The following WNT2 variants were observed in gnomAD, a reference collection of about 807,000 sequenced individuals.
WNT2 encodes Wnt family member 2.
Under a neutral mutation model 36.9 loss-of-function variants are expected in WNT2, and 12 were observed. That is an observed-to-expected ratio of 0.33 (90% CI 0.21 to 0.53). WNT2 has a LOEUF of 0.53. Ranked by LOEUF, WNT2 falls within the 20% of genes least tolerant of loss-of-function variation. The pLI is 0.95. For missense variants in WNT2, 379 were observed against 473.1 expected (o/e 0.80, Z 1.84); for synonymous variants, 163 against 174.6 (o/e 0.93, Z 0.52).
At chr7:117,288,506 T>G (rs955853758) in intron 4 of WNT2, among the ~76,000 whole-genome samples, 1 of 152,214 alleles carries the variant, frequency 6.6e-6, no homozygotes, top group African/African-American at 2.4e-5. Context: ...AAAGCTTAAA[T>G]GAAGTAAGCA....
intron 3 of WNT2, among the ~76,000 whole-genome samples, chr7:117,310,385 C>T (rs1436191785): frequency 6.6e-6 from 1 of 151,464 alleles, no homozygotes; most frequent in Non-Finnish European, 1.5e-5. Flanking sequence ...GGCAACATGG[C>T]GAAACCTCAT....
intron 4 of WNT2, among the ~76,000 whole-genome samples, chr7:117,289,202 C>T (rs909947335): frequency 6.6e-6 from 1 of 151,882 alleles, no homozygotes; most frequent in Non-Finnish European, 1.5e-5. Flanking sequence ...GGACTACAGG[C>T]GCCCACCACA....
chr7:117,285,855 T>C (rs1178717047), intron 4 of WNT2, among the ~76,000 whole-genome samples: 1 of 152,220 alleles, frequency 6.6e-6, no homozygotes, highest in Non-Finnish European at 1.5e-5. Context: ...TTTATATTTG[T>C]GAAGTATTCC....
At chr7:117,313,969 G>A (rs186097941) in intron 3 of WNT2, among the ~76,000 whole-genome samples, 3 of 152,050 alleles carry the variant, frequency 2.0e-5, no homozygotes, top group Admixed American at 2.0e-4. Context: ...AATGAGATTT[G>A]TTCTCTCCAG....
intron 2 of WNT2, among the ~76,000 whole-genome samples, chr7:117,315,678 G>A (rs559210819): frequency 5.9e-5 from 9 of 152,220 alleles, no homozygotes; most frequent in Non-Finnish European, 1.3e-4. Flanking sequence ...GAGAGCTCTA[G>A]ATGTCCTAGA....
At chr7:117,306,519 A>G (rs1170484176) in intron 3 of WNT2, among the ~76,000 whole-genome samples, 6 of 152,242 alleles carry the variant, frequency 3.9e-5, no homozygotes, top group African/African-American at 1.4e-4. Flanking sequence ...CCCATGACAC[A>G]GTCACATCCT....
Position 117,298,411 on chromosome 7 carries a change from G to A in WNT2, c.589-535C>T, listed in dbSNP as rs139693360. On this transcript the variant is annotated intron_variant, in intron 3 of 4. Transcript: ENST00000265441. ...GCAGATGACCGAGAAGCAAGGCTGA[G>A]AGAGGTGGAAGCACTCACCCAAAGT... is the stretch of plus-strand genomic sequence containing the variant. 5.8e-3 allele frequency among the ~76,000 whole-genome samples: 882 copies of A among 152,278 alleles called. 2 individuals are homozygous for A. The highest frequency in any genetic ancestry group is 9.0e-3 in the Admixed American group (137 of 15,294).
intron 4 of WNT2, among the ~76,000 whole-genome samples, chr7:117,279,377 A>T (rs1428336565): frequency 1.3e-5 from 2 of 152,148 alleles, no homozygotes; most frequent in East Asian, 3.9e-4. Flanking sequence ...ATGTTGTATA[A>T]CATCACCCTG....
chr7:117,275,658 G>A lies in WNT2; in HGVS notation c.*2497C>T, dbSNP rs983485248. Among the ~76,000 whole-genome samples the A allele has an allele frequency of 1.3e-5, 2 of 152,148 alleles. No homozygotes were observed. The highest frequency in any genetic ancestry group is 6.5e-5 in the Admixed American group (1 of 15,276). On this transcript the variant is annotated 3_prime_UTR_variant, in exon 5 of 5. Transcript: ENST00000265441. ...AGTTTCAGTGTATTTCAGGTTCCTG[G>A]AATACTGATCCTCTACCAAGCTCTA...
At position 117,276,953 on chromosome 7, in the gene WNT2, T is replaced by A. The variant is rs186499136; in HGVS notation, c.*1202A>T. 6.6e-6 allele frequency: 1 copy of A among 152,386 alleles called. No homozygotes were observed. The highest frequency in any genetic ancestry group is 2.4e-5 in the African/African-American group (1 of 41,590). 9.4% of individuals were successfully genotyped at this position (152,386 alleles called of 1,614,324 possible). A position where few individuals can be genotyped will look rare whatever the true frequency, so the allele number is the denominator to read the frequency against. ...CTTTATAAGCAATGCTATGTGTCAT[T>A]TGCTTTAGGCTACAGTATCACATCA... is the stretch of plus-strand genomic sequence containing the variant. On this transcript the variant is annotated 3_prime_UTR_variant, in exon 5 of 5. Transcript: ENST00000265441.
chr7:117,310,955 T>C lies in WNT2; in HGVS notation c.588+4116A>G, dbSNP rs1342374876. ...TCTCCTTGACTAAAATTTAGTTTCT[T>C]ATGGTCAGGGGCTGCTTTGTTTTAT... On this transcript the variant is annotated intron_variant, in intron 3 of 4. Coordinates refer to ENST00000265441, the MANE Select transcript of WNT2 (RefSeq NM_003391.3). Among the ~76,000 whole-genome samples, 4 of 152,352 alleles carry C rather than the reference T, an allele frequency of 2.6e-5. No individual in the cohort carries two copies. In the South Asian group the frequency reaches 6.2e-4, roughly 24 times the overall value.
At chr7:117,293,192 G>A (rs992302512) in intron 4 of WNT2, among the ~76,000 whole-genome samples, 19 of 148,540 alleles carry the variant, frequency 1.3e-4, no homozygotes, top group African/African-American at 4.0e-4. Context: ...ATAGGTTTCT[G>A]AAGAGCCACT....
At chr7:117,288,162 C>T (rs1794620474) in intron 4 of WNT2, among the ~76,000 whole-genome samples, 1 of 152,124 alleles carries the variant, frequency 6.6e-6, no homozygotes, top group South Asian at 2.1e-4. Context: ...AAAAACGTGG[C>T]ACATTTTTAA....
At chr7:117,304,241 G>C (rs1216683563) in intron 3 of WNT2, among the ~76,000 whole-genome samples, 1 of 152,138 alleles carries the variant, frequency 6.6e-6, no homozygotes, top group Non-Finnish European at 1.5e-5. Context: ...TTGCAGATGG[G>C]AAGTCTGATA....
At chr7:117,303,167 G>T (rs981331830) in intron 3 of WNT2, among the ~76,000 whole-genome samples, 7 of 152,172 alleles carry the variant, frequency 4.6e-5, no homozygotes, top group African/African-American at 1.7e-4. Context: ...TGCAGTCAGG[G>T]TTCAGAATCA....
At chr7:117,301,533 C>T (rs1233380691) in intron 3 of WNT2, among the ~76,000 whole-genome samples, 3 of 152,156 alleles carry the variant, frequency 2.0e-5, no homozygotes, top group Admixed American at 6.5e-5. Context: ...ATGTGCCAGG[C>T]TCCACACCAG....
At chr7:117,307,499 C>A (rs1470369864) in intron 3 of WNT2, among the ~76,000 whole-genome samples, 1 of 152,178 alleles carries the variant, frequency 6.6e-6, no homozygotes, top group East Asian at 1.9e-4. Flanking sequence ...TTAGGGTTTG[C>A]CAGTCTCTGG....
At chr7:117,295,958 G>A (rs1794782164) in intron 4 of WNT2, among the ~76,000 whole-genome samples, 3 of 152,124 alleles carry the variant, frequency 2.0e-5, no homozygotes, top group South Asian at 2.1e-4. Context: ...TGCTGTCATA[G>A]GGCTGCTGTA....
chr7:117,305,330 ATTCT>A (rs1794994573), intron 3 of WNT2, among the ~76,000 whole-genome samples: 1 of 152,092 alleles, frequency 6.6e-6, no homozygotes, highest in South Asian at 2.1e-4. Context: ...TCTCTTCCAA[ATTCT>A]TTCTTTTTCT....
Sources: gnomAD v4.1 joint callset for allele counts (sites outside exome capture counted in the v4.1 genomes callset) on GRCh38, gnomAD v4.1.1 for gene constraint, MANE v1.5 for transcripts, NCBI Gene and HGNC (gene_info 2026-07-23, HGNC 2026-07-21) for gene names.